The following ITPR3 variants were observed in gnomAD, a reference collection of about 807,000 sequenced individuals.
ITPR3 encodes inositol 1,4,5-trisphosphate receptor type 3.
In ITPR3, 173 loss-of-function variants were observed where a neutral mutation model predicts 293.2. The ratio of observed to expected loss-of-function variants is 0.59; its 90% confidence interval spans 0.52 to 0.67. The LOEUF (loss-of-function observed/expected upper bound fraction) is 0.67, where lower values mean the gene tolerates loss of function less well. ITPR3 is among the 30% of genes least tolerant of loss of function. The pLI is 0.00. For synonymous variants in ITPR3, 1,295 were observed against 1,444.4 expected, an observed-to-expected ratio of 0.90 and a Z score of 2.35; for missense variants, 2,796 against 3,592.1, an observed-to-expected ratio of 0.78 and a Z score of 5.66.
rs763191989 is a variant in ITPR3 at position 33,675,744 on chromosome 6, G to A, written c.3170G>A (p.Arg1057His). The A allele has an allele frequency of 6.8e-6, 11 of 1,612,876 alleles. No individual in the cohort carries two copies. Among genetic ancestry groups the A allele is most frequent in the South Asian group, 3.3e-5 (3 of 91,032 alleles). Residue 1057 changes from arginine to histidine, a missense_variant, in exon 25 of 58, where the codon CGC (arginine) becomes CAC (histidine). Coordinates refer to ENST00000605930, the MANE Select transcript of ITPR3 (RefSeq NM_002224.4). The surrounding 1 kb of genome is among the most constrained non-coding windows in gnomAD (Gnocchi z 5.0). Reference protein sequence around the residue: ...VDDEGGRMFLRVLIHLTMHDY... With the variant: ...VDDEGGRMFLHVLIHLTMHDY... ...GACGAGGGCGGCCGCATGTTCCTGCGCGTGCTCATCCACCTCACCATGCAC... is the reference window on the plus strand; with the variant it reads ...GACGAGGGCGGCCGCATGTTCCTGCACGTGCTCATCCACCTCACCATGCAC...
At chr6:33,644,374 C>A (rs373718664) in intron 2 of ITPR3, among the ~76,000 whole-genome samples, 6 of 151,276 alleles carry the variant, frequency 4.0e-5, no homozygotes, top group Non-Finnish European at 1.5e-5. Flanking sequence ...CCGCCCGTCT[C>A]GGCCTTCCAA....
intron 23 of ITPR3, 112 bp from the exon 24 acceptor site, chr6:33,674,096 G>A: frequency 7.6e-7 from 1 of 1,309,562 alleles, no homozygotes; most frequent in Non-Finnish European, 1.1e-6. Flanking sequence ...GGCAGGCAGA[G>A]CAGCTGCTGT....
chr6:33,667,782 G>GT lies in ITPR3; in HGVS notation c.1714-10_1714-9insT. 1.2e-6 allele frequency: 2 copies of GT among 1,613,416 alleles called. No individual in the cohort carries two copies. The highest frequency in any genetic ancestry group is 1.7e-6 in the Non-Finnish European group (2 of 1,179,642). On this transcript the variant is annotated splice_polypyrimidine_tract_variant and intron_variant, in intron 15 of 57. Transcript: ENST00000605930. The surrounding 1 kb of genome is among the most constrained non-coding windows in gnomAD (Gnocchi z 4.4). Reference sequence around the variant, plus strand: ...ACTCTCTGTGACCCCCAGCCTGTCTGCCCCCCCAGGAGCACATTGCCAAGC... The same window carrying GT: ...ACTCTCTGTGACCCCCAGCCTGTCTGTCCCCCCCAGGAGCACATTGCCAAGC...
chr6:33,667,251 C>G lies in ITPR3; in HGVS notation c.1674C>G (p.Arg558=). Reference sequence around the variant, plus strand: ...AGCACATGTTCCGCCTGTGCTACCGCGTGTTGCGGCATTCCCAGGAGGACT... The same window carrying G: ...AGCACATGTTCCGCCTGTGCTACCGGGTGTTGCGGCATTCCCAGGAGGACT... ...PYQHMFRLCY[R]VLRHSQEDYR... Residue 558 remains arginine (R), a synonymous_variant, in exon 15 of 58, where the codon CGC becomes CGG. Coordinates refer to ENST00000605930, the MANE Select transcript of ITPR3 (RefSeq NM_002224.4). This position sits in a 1 kb window ranked among gnomAD's most constrained non-coding sequence, Gnocchi z 4.4. 6.2e-7 allele frequency: 1 copy of G among 1,613,368 alleles called. No homozygotes were observed. Among genetic ancestry groups the G allele is most frequent in the African/African-American group, 1.3e-5 (1 of 75,038 alleles).
intron 1 of ITPR3, among the ~76,000 whole-genome samples, chr6:33,630,923 C>T (rs1280808976): frequency 6.6e-6 from 1 of 152,254 alleles, no homozygotes; most frequent in Non-Finnish European, 1.5e-5. Flanking sequence ...GAAATGGTTG[C>T]TTTTGCAGGG....
chr6:33,629,945 G>C (rs531986195), intron 1 of ITPR3, among the ~76,000 whole-genome samples: 263 of 152,158 alleles, frequency 1.7e-3, no homozygotes, highest in African/African-American at 6.3e-3. Flanking sequence ...ACAAGAATTA[G>C]CTGGGCATCG....
At chr6:33,660,263 A>G (rs1409683847) in intron 7 of ITPR3, among the ~76,000 whole-genome samples, 1 of 151,916 alleles carries the variant, frequency 6.6e-6, no homozygotes, top group Non-Finnish European at 1.5e-5. Flanking sequence ...CAGCTAGGGG[A>G]GCAGGCAGGA....
chr6:33,656,879 T>C (rs1394323780), intron 3 of ITPR3, among the ~76,000 whole-genome samples: 1 of 152,224 alleles, frequency 6.6e-6, no homozygotes, highest in Non-Finnish European at 1.5e-5. Context: ...GCCTTATAGC[T>C]GTGGACTGGG....
In ITPR3 at chr6:33,667,679, T is replaced by C; in HGVS notation, c.1714-113T>C. 8.5e-7 allele frequency: 1 copy of C among 1,169,902 alleles called. No homozygotes were observed. Among genetic ancestry groups the C allele is most frequent in the Non-Finnish European group, 1.2e-6 (1 of 830,760 alleles). 72.5% of individuals were successfully genotyped at this position (1,169,902 alleles called of 1,614,324 possible). A position where few individuals can be genotyped will look rare whatever the true frequency, so the allele number is the denominator to read the frequency against. ...ATGCTTCCTTTCCTGGACCTCTGCC[T>C]TTCTAGGGTATTGGGTCCTTACCTC... On this transcript the variant is annotated intron_variant, in intron 15 of 57. Transcript: ENST00000605930. The surrounding 1 kb of genome is among the most constrained non-coding windows in gnomAD (Gnocchi z 4.4).
Position 33,645,221 on chromosome 6 carries a change from C to A in ITPR3, c.160+4667C>A, listed in dbSNP as rs1193115856. Among the ~76,000 whole-genome samples the A allele has an allele frequency of 2.6e-5, 4 of 152,112 alleles. No individual in the cohort carries two copies. The East Asian group carries it at 7.8e-4, about 30-fold the overall frequency. ...TGGTGGTGGGCACCTGTACTCCCAGCTACTCAGGAGGCTAAGGCAGGAGAA... is the reference window on the plus strand; with the variant it reads ...TGGTGGTGGGCACCTGTACTCCCAGATACTCAGGAGGCTAAGGCAGGAGAA... On this transcript the variant is annotated intron_variant, in intron 2 of 57. Coordinates refer to ENST00000605930, the MANE Select transcript of ITPR3 (RefSeq NM_002224.4).
In ITPR3 at chr6:33,662,978, T is replaced by C; in HGVS notation, c.926T>C (p.Leu309Pro). Residue 309 changes from leucine to proline, a missense_variant, in exon 9 of 58, where the codon CTG (leucine) becomes CCG (proline). By Grantham distance (98) the Leu-to-Pro change is moderately conservative. Around this residue, in one of 8 missense-constraint regions of ITPR3, gnomAD observed 955 missense variants for 1,180.8 expected, o/e 0.81. Transcript: ENST00000605930. Reference sequence around the variant, plus strand: ...AATGGCTTGTACCGCTTCAAGCACCTGGCTACAGGCAACTACCTGGCTGCT... The same window carrying C: ...AATGGCTTGTACCGCTTCAAGCACCCGGCTACAGGCAACTACCTGGCTGCT... ...HWNGLYRFKH[L>P]ATGNYLAAEE... 1 of 1,603,408 alleles carries C rather than the reference T, an allele frequency of 6.2e-7. No individual in the cohort carries two copies. Among genetic ancestry groups the C allele is most frequent in the Non-Finnish European group, 8.5e-7 (1 of 1,174,602 alleles).
Position 33,685,690 on chromosome 6 carries a change from C to T in ITPR3, c.5530C>T (p.Leu1844=). 1 of 1,602,468 alleles carries T rather than the reference C, an allele frequency of 6.2e-7. No homozygotes were observed. The highest frequency in any genetic ancestry group is 1.3e-5 in the African/African-American group (1 of 74,870). The change falls in exon 41 of 58, where the codon CTG becomes TTG. Residue 1844 remains leucine (L), a synonymous_variant. Transcript: ENST00000605930. ...SIPGSSSRYS[L]GPSLRRGHEV... ...ACCTGGCTCCTCATCCCGCTACTCGCTGGGCCCCAGCCTGCGCCGGGGGCA... is the reference window on the plus strand; with the variant it reads ...ACCTGGCTCCTCATCCCGCTACTCGTTGGGCCCCAGCCTGCGCCGGGGGCA...
chr6:33,639,945 T>C (rs1377608467), intron 1 of ITPR3, among the ~76,000 whole-genome samples: 3 of 152,142 alleles, frequency 2.0e-5, no homozygotes, highest in Admixed American at 6.5e-5. Flanking sequence ...TCATCATCCT[T>C]CCTTGGAGAC....
intron 17 of ITPR3, among the ~76,000 whole-genome samples, 163 bp downstream of exon 17, chr6:33,668,797 G>A (rs1764681063): frequency 4.6e-5 from 7 of 152,136 alleles, no homozygotes; most frequent in Admixed American, 4.6e-4. Flanking sequence ...CTGGCACTGT[G>A]GGGGAGTGGG....
chr6:33,627,252 A>G (rs1763569185), intron 1 of ITPR3, among the ~76,000 whole-genome samples: 1 of 152,206 alleles, frequency 6.6e-6, no homozygotes, highest in South Asian at 2.1e-4. Context: ...AAAAATATAC[A>G]TTCCATGGAG....
At position 33,624,206 on chromosome 6, in the gene ITPR3, G is replaced by A. The variant is rs575923216; in HGVS notation, c.89+2515G>A. ...AACTGCTTTGTACAAACCACTCTCT[G>A]GTGTTCCTCACATTGGAGGCTTCCC... On this transcript the variant is annotated intron_variant, in intron 1 of 57. Transcript: ENST00000605930. This position sits in a 1 kb window ranked among gnomAD's most constrained non-coding sequence, Gnocchi z 4.7. Among the ~76,000 whole-genome samples, 1 of 152,304 alleles carries A rather than the reference G, an allele frequency of 6.6e-6. No individual in the cohort carries two copies. The highest frequency in any genetic ancestry group is 2.1e-4 in the South Asian group (1 of 4,814).
chr6:33,683,134 C>A lies in ITPR3; in HGVS notation c.4598-73C>A. 1 of 1,176,924 alleles carries A rather than the reference C, an allele frequency of 8.5e-7. No homozygotes were observed. 72.9% of individuals were successfully genotyped at this position (1,176,924 alleles called of 1,614,324 possible). A position where few individuals can be genotyped will look rare whatever the true frequency, so the allele number is the denominator to read the frequency against. On this transcript the variant is annotated intron_variant, in intron 34 of 57. Transcript: ENST00000605930. This position sits in a 1 kb window ranked among gnomAD's most constrained non-coding sequence, Gnocchi z 4.5. ...TTCACTCTGTCTCCTGGTGTGGCAG[C>A]CCTGAGCCTGGCCTCTGGCTGGCTG...
intron 51 of ITPR3, 73 bp downstream of exon 51, chr6:33,690,271 G>C (rs1228481625): frequency 7.2e-7 from 1 of 1,396,888 alleles, no homozygotes; most frequent in Non-Finnish European, 9.9e-7. Context: ...GTTGTTGGCA[G>C]TTCCCCGGCA....
chr6:33,640,804 G>A (rs1425712106), intron 2 of ITPR3, among the ~76,000 whole-genome samples: 1 of 152,244 alleles, frequency 6.6e-6, no homozygotes, highest in African/African-American at 2.4e-5. Flanking sequence ...CTGGCCAGGG[G>A]CCCATTCTCC....
Sources: gnomAD v4.1 joint callset for allele counts (sites outside exome capture counted in the v4.1 genomes callset) on GRCh38, gnomAD v4.1.1 for gene constraint, gnomAD v4.1.1 regional missense constraint, Gnocchi (gnomAD v3.1) non-coding constraint, MANE v1.5 for transcripts, NCBI Gene and HGNC (gene_info 2026-07-23, HGNC 2026-07-21) for gene names.